PRH1: variants seen among roughly 807,000 people sequenced by gnomAD.
PRH1 encodes the protein salivary acidic proline-rich phosphoprotein 1/2.
Under a neutral mutation model 7.9 loss-of-function variants are expected in PRH1, and 7 were observed. The observed-to-expected ratio is 0.89, with a 90% CI of 0.50 to 1.67. The LOEUF (loss-of-function observed/expected upper bound fraction) is 1.67, where lower values mean the gene tolerates loss of function less well. PRH1 is among the 40% of genes most tolerant of loss of function. PRH1 has a pLI of 0.00. For synonymous variants in PRH1, 45 were observed against 80.8 expected (o/e 0.56, Z 2.38); for missense variants, 109 against 223.6 (o/e 0.49, Z 3.27).
intron 2 of PRH1, chr12:10,937,833 C>CA (rs1438175439): frequency 2.0e-5 from 3 of 153,770 alleles, no homozygotes; most frequent in African/African-American, 7.2e-5. Flanking sequence ...AAATATTATA[C>CA]AAAAATTAAA....
chr12:10,944,907 C>A (rs537017970), intron 2 of PRH1, among the ~76,000 whole-genome samples: 3 of 151,994 alleles, frequency 2.0e-5, no homozygotes, highest in Non-Finnish European at 4.4e-5. Context: ...CAGGATGAGG[C>A]CTATTTGATC....
At chr12:11,109,070 G>T (rs971384756) in intron 1 of PRH1, among the ~76,000 whole-genome samples, 1 of 152,164 alleles carries the variant, frequency 6.6e-6, no homozygotes, top group Non-Finnish European at 1.5e-5. Flanking sequence ...AAACTGGGTG[G>T]AGCCCACAGC....
intron 1 of PRH1, among the ~76,000 whole-genome samples, chr12:11,091,115 C>CACATATATATATATATATATATATATAT (rs751016037): frequency 2.4e-4 from 6 of 25,124 alleles, no homozygotes; most frequent in African/African-American, 3.9e-4. Context: ...CACACACACA[C>CACATATATATATATATATATATATATAT]ATATATATAT....
At chr12:11,042,150 T>C (rs1942733811) in intron 1 of PRH1, among the ~76,000 whole-genome samples, 2 of 151,724 alleles carry the variant, frequency 1.3e-5, no homozygotes, top group African/African-American at 4.8e-5. Context: ...GAAATTGAAA[T>C]GAAGAAAACA....
intron 1 of PRH1, among the ~76,000 whole-genome samples, chr12:11,010,967 CATT>C (rs1451874224): frequency 1.3e-5 from 2 of 151,902 alleles, no homozygotes; most frequent in East Asian, 3.9e-4. Context: ...TTTAATCAAT[CATT>C]ATGTCAAATG....
chr12:11,098,844 C>T (rs924053622), intron 1 of PRH1, among the ~76,000 whole-genome samples: 2 of 152,162 alleles, frequency 1.3e-5, no homozygotes, highest in Non-Finnish European at 2.9e-5. Context: ...CGCATGTGCA[C>T]ACCACTTATG....
intron 1 of PRH1, among the ~76,000 whole-genome samples, chr12:11,114,712 T>C (rs995940241): frequency 1.3e-5 from 2 of 152,012 alleles, no homozygotes; most frequent in Non-Finnish European, 2.9e-5. Flanking sequence ...AAGAAATAAA[T>C]AGTGAAAACA....
At chr12:10,888,571 G>T (rs188409758), upstream of PRH1, among the ~76,000 whole-genome samples, 210 of 152,264 alleles carry the variant, frequency 1.4e-3, 1 homozygote, top group East Asian at 9.6e-4. Flanking sequence ...AATAACCATT[G>T]ACACTTAATG....
chr12:11,148,828 T>C (rs571723021), intron 1 of PRH1, among the ~76,000 whole-genome samples: 2 of 127,372 alleles, frequency 1.6e-5, no homozygotes, highest in South Asian at 4.7e-4. Context: ...ATTCCCTCTT[T>C]TTCTATTGAT....
At chr12:11,051,236 G>A (rs1943128796), upstream of PRH1, among the ~76,000 whole-genome samples, 1 of 152,158 alleles carries the variant, frequency 6.6e-6, no homozygotes, top group Admixed American at 6.5e-5. Flanking sequence ...ATTAAAACTA[G>A]AAGAAATATC....
At chr12:11,077,671 G>A (rs1944337733) in intron 1 of PRH1, 2 of 1,251,302 alleles carry the variant, frequency 1.6e-6, no homozygotes, top group African/African-American at 1.5e-5. Context: ...ACATATTAGG[G>A]TCAGAATGAA....
downstream of PRH1, among the ~76,000 whole-genome samples, chr12:11,116,831 C>T (rs149983942): frequency 2.8e-3 from 431 of 152,136 alleles, 4 homozygotes; most frequent in African/African-American, 9.7e-3. Context: ...ACCATATAAA[C>T]GTTTTAATTA....
downstream of PRH1, among the ~76,000 whole-genome samples, chr12:11,117,597 G>C (rs1441223263): frequency 6.6e-6 from 1 of 152,010 alleles, no homozygotes. Context: ...AACTGACCCA[G>C]AATAGCCAAA....
At chr12:11,093,132 T>A (rs2136267553) in intron 1 of PRH1, among the ~76,000 whole-genome samples, 1 of 116,558 alleles carries the variant, frequency 8.6e-6, no homozygotes, top group South Asian at 2.3e-4. Context: ...ACTTCAGTTG[T>A]TAGGGAAGTT....
chr12:10,963,445 T>C (rs1256345253), intron 2 of PRH1, among the ~76,000 whole-genome samples: 1 of 152,232 alleles, frequency 6.6e-6, no homozygotes, highest in Non-Finnish European at 1.5e-5. Flanking sequence ...CATGGAGTAT[T>C]TTTTCAAGTA....
At position 11,056,512 on chromosome 12, in the gene PRH1, C is replaced by T. The variant is rs1029188438; in HGVS notation, n.124-9324G>A. Among the ~76,000 whole-genome samples, 5 of 152,164 alleles carry T rather than the reference C, an allele frequency of 3.3e-5. 1 individual carries two copies. The highest frequency in any genetic ancestry group is 9.7e-5 in the African/African-American group (4 of 41,434). On this transcript the variant is annotated intron_variant and non_coding_transcript_variant, in intron 1 of 4. Transcript: ENST00000541977. ...TGAGACTCCATTTTACAACTACTCC[C>T]TGCCTCAGTATTATCACCTATAAAA...
chr12:11,041,180 C>A (rs201330839), intron 1 of PRH1, among the ~76,000 whole-genome samples: 2 of 142,182 alleles, frequency 1.4e-5, no homozygotes, highest in Non-Finnish European at 3.0e-5. Context: ...AAAAACAAAA[C>A]AAAAAAAAAC....
intron 1 of PRH1, among the ~76,000 whole-genome samples, chr12:11,020,493 T>G (rs796250021): frequency 0.029 from 643 of 22,136 alleles, no homozygotes; most frequent in East Asian, 0.2. Context: ...CACCAAGAAT[T>G]AACACAGTCA....
chr12:11,022,436 G>A, intron 1 of PRH1: 1 of 1,614,180 alleles, frequency 6.2e-7, no homozygotes, highest in South Asian at 1.1e-5. Context: ...GTGAGAATTT[G>A]CTCAGCTGAG....
Sources: allele counts gnomAD v4.1 joint callset (sites outside exome capture counted in the v4.1 genomes callset), GRCh38; gene constraint gnomAD v4.1.1; transcripts MANE v1.5; gene names NCBI Gene and HGNC (gene_info 2026-07-23, HGNC 2026-07-21).